CADM2: variants seen among roughly 807,000 people sequenced by gnomAD.
CADM2 encodes immunoglobulin superfamily member 4D.
In CADM2, 12 loss-of-function variants were observed where a neutral mutation model predicts 49.8. That is an observed-to-expected ratio of 0.24 (90% CI 0.15 to 0.39). CADM2 has a LOEUF of 0.39. Among genes scored for constraint, CADM2 ranks in the 10% least tolerant of loss-of-function variants. The probability of loss-of-function intolerance (pLI) is 1.00; values close to 1 mark genes in which losing one functional copy is unlikely to be tolerated. For missense variants in CADM2, 378 were observed against 492.3 expected (o/e 0.77, Z 2.20); for synonymous variants, 214 against 175.4 (o/e 1.22, Z -1.74).
At chr3:85,493,442 GCCCTGTA>G (rs762439603) in intron 1 of CADM2, among the ~76,000 whole-genome samples, 37 of 104,246 alleles carry the variant, frequency 3.5e-4, no homozygotes, top group Non-Finnish European at 8.0e-4. Context: ...TTTTTCATCT[GCCCTGTA>G]CATTTTTTCT....
chr3:85,112,438 A>G (rs10865606), intron 1 of CADM2, among the ~76,000 whole-genome samples: 1 of 151,504 alleles, frequency 6.6e-6, no homozygotes, highest in African/African-American at 2.4e-5. Context: ...CAAAATCATA[A>G]AGTGTTAAAG....
intron 1 of CADM2, among the ~76,000 whole-genome samples, chr3:85,107,601 C>T (rs1316990415): frequency 7.5e-5 from 11 of 147,040 alleles, no homozygotes; most frequent in Admixed American, 1.3e-4. Flanking sequence ...TTCTTTCTTT[C>T]TCTTTCTTTT....
At chr3:85,587,545 A>G (rs1472457064) in intron 1 of CADM2, among the ~76,000 whole-genome samples, 1 of 152,010 alleles carries the variant, frequency 6.6e-6, no homozygotes, top group Non-Finnish European at 1.5e-5. Flanking sequence ...GTCACACTAA[A>G]TAGTCAACCC....
At chr3:85,472,615 T>A (rs1013717650) in intron 1 of CADM2, among the ~76,000 whole-genome samples, 1 of 152,076 alleles carries the variant, frequency 6.6e-6, no homozygotes, top group African/African-American at 2.4e-5. Context: ...ACATGTTAAC[T>A]ATTATTCTCC....
At chr3:85,572,460 A>T (rs1383055603) in intron 1 of CADM2, among the ~76,000 whole-genome samples, 1 of 151,994 alleles carries the variant, frequency 6.6e-6, no homozygotes, top group Non-Finnish European at 1.5e-5. Context: ...AGAGACAGAG[A>T]GAGACAGAGA....
intron 8 of CADM2, among the ~76,000 whole-genome samples, chr3:86,041,489 C>G (rs576457830): frequency 6.6e-6 from 1 of 152,202 alleles, no homozygotes; most frequent in African/African-American, 2.4e-5. Context: ...CAAAGAAGGC[C>G]ATTACATAAT....
chr3:85,912,494 A>C lies in CADM2; in HGVS notation c.651A>C (p.Glu217Asp), dbSNP rs1717748905. 1 of 1,614,048 alleles carries C rather than the reference A, an allele frequency of 6.2e-7. No homozygotes were observed. Among genetic ancestry groups the C allele is most frequent in the Non-Finnish European group, 8.5e-7 (1 of 1,179,934 alleles). ...GVAVICRVDH[E>D]SLNATPQVAM... The stretch of plus-strand genomic sequence containing the variant: ...CGGTCATCTGCAGAGTAGATCACGA[A>C]TCCCTCAATGCCACCCCTCAGGTAG... The change falls in exon 6 of 10, where the codon GAA (glutamate) becomes GAC (aspartate). Residue 217 changes from glutamate (E) to aspartate (D), a missense_variant. Physicochemically the swap from Glu to Asp is conservative, Grantham distance 45. Coordinates refer to ENST00000383699, the MANE Select transcript of CADM2 (RefSeq NM_001167675.2).
chr3:85,802,325 T>C, intron 3 of CADM2, 129 bp downstream of exon 3: 1 of 772,572 alleles, frequency 1.3e-6, no homozygotes, highest in Non-Finnish European at 1.9e-6. Context: ...TATTTAAACA[T>C]GTTAAATATT....
chr3:86,045,868 T>C (rs1736613181), intron 8 of CADM2, among the ~76,000 whole-genome samples: 1 of 152,222 alleles, frequency 6.6e-6, no homozygotes, highest in South Asian at 2.1e-4. Context: ...ATCCTCATTT[T>C]ACACTTAAGA....
chr3:86,019,168 G>C (rs1732765154), intron 8 of CADM2, among the ~76,000 whole-genome samples: 1 of 129,466 alleles, frequency 7.7e-6, no homozygotes, highest in South Asian at 2.8e-4. Flanking sequence ...TCTCAGGTTT[G>C]TCAAAGATCA....
intron 1 of CADM2, among the ~76,000 whole-genome samples, chr3:85,494,369 T>G (rs2039798596): frequency 6.6e-6 from 1 of 152,168 alleles, no homozygotes; most frequent in African/African-American, 2.4e-5. Context: ...TTACTTAAGT[T>G]TATACGAAAA....
chr3:85,952,418 A>T (rs7434109), intron 7 of CADM2, among the ~76,000 whole-genome samples: 5,055 of 151,024 alleles, frequency 0.033, 286 homozygotes, highest in African/African-American at 0.12. Flanking sequence ...CTCTGTAAAA[A>T]TTCCAGTTCT....
intron 1 of CADM2, among the ~76,000 whole-genome samples, chr3:85,408,676 T>G (rs2035517002): frequency 6.6e-6 from 1 of 152,180 alleles, no homozygotes; most frequent in Non-Finnish European, 1.5e-5. Flanking sequence ...GGAGATGCTC[T>G]CTCTGCAGCG....
chr3:85,029,577 C>A (rs544463962), intron 1 of CADM2, among the ~76,000 whole-genome samples: 3 of 152,200 alleles, frequency 2.0e-5, no homozygotes, highest in Middle Eastern at 3.2e-3. Context: ...CAAGGCCATT[C>A]GTGTAGTGAT....
intron 1 of CADM2, among the ~76,000 whole-genome samples, chr3:85,063,042 A>G (rs1322096243): frequency 6.6e-6 from 1 of 152,004 alleles, no homozygotes; most frequent in African/African-American, 2.4e-5. Flanking sequence ...CCTGATTTAC[A>G]CTTCAAATGG....
chr3:85,771,112 C>A (rs575119272), intron 2 of CADM2, among the ~76,000 whole-genome samples: 57 of 152,186 alleles, frequency 3.7e-4, no homozygotes, highest in African/African-American at 1.3e-3. Flanking sequence ...ACTCTTCCAA[C>A]AAATTTATGT....
chr3:85,914,824 T>A (rs1272429529), intron 6 of CADM2, among the ~76,000 whole-genome samples: 1 of 152,192 alleles, frequency 6.6e-6, no homozygotes, highest in African/African-American at 2.4e-5. Context: ...GGCTTCTGGA[T>A]TGTGTGTTCT....
At chr3:85,831,150 C>T (rs562643641) in intron 3 of CADM2, among the ~76,000 whole-genome samples, 1 of 151,992 alleles carries the variant, frequency 6.6e-6, no homozygotes, top group South Asian at 2.1e-4. Flanking sequence ...TGCATCCATG[C>T]TGCTGCAAAG....
intron 1 of CADM2, among the ~76,000 whole-genome samples, chr3:85,377,634 C>T (rs1343662983): frequency 1.3e-5 from 2 of 152,006 alleles, no homozygotes; most frequent in Non-Finnish European, 2.9e-5. Context: ...CTCATTTCTG[C>T]TTTAAAACAG....
Sources: allele counts gnomAD v4.1 joint callset (sites outside exome capture counted in the v4.1 genomes callset), GRCh38; gene constraint gnomAD v4.1.1; transcripts MANE v1.5; gene names NCBI Gene and HGNC (gene_info 2026-07-23, HGNC 2026-07-21).